The following ANK3 variants were observed in gnomAD, a reference collection of about 807,000 sequenced individuals.
ANK3 encodes the protein ankyrin 3.
In ANK3, 57 loss-of-function variants were observed where a neutral mutation model predicts 370.9. The ratio of observed to expected loss-of-function variants is 0.15; its 90% CI spans 0.12 to 0.19. ANK3 has a LOEUF of 0.19. ANK3 is among the 10% of genes least tolerant of loss of function. The pLI is 1.00. For missense variants in ANK3, 4,439 were observed against 5,302.1 expected (o/e 0.84, Z 5.06); for synonymous variants, 1,929 against 1,946.3 (o/e 0.99, Z 0.23).
chr10:60,353,984 G>T (rs1428326596), intron 1 of ANK3, among the ~76,000 whole-genome samples: 2 of 152,200 alleles, frequency 1.3e-5, no homozygotes, highest in Non-Finnish European at 1.5e-5. Flanking sequence ...CCATATCCAC[G>T]TGCAGTCCAT....
At chr10:60,326,428 C>G (rs376747847) in intron 1 of ANK3, among the ~76,000 whole-genome samples, 2 of 152,092 alleles carry the variant, frequency 1.3e-5, no homozygotes, top group East Asian at 3.8e-4. Flanking sequence ...AGTGAGAGCC[C>G]GTACCTTACT....
intron 18 of ANK3, among the ~76,000 whole-genome samples, chr10:60,180,468 T>A (rs1169090611): frequency 6.7e-6 from 1 of 150,044 alleles, no homozygotes; most frequent in African/African-American, 2.5e-5. Flanking sequence ...TGGTGGCACA[T>A]GCCTGTAGTC....
intron 1 of ANK3, among the ~76,000 whole-genome samples, chr10:60,683,037 C>G (rs1382279419): frequency 6.6e-6 from 1 of 152,064 alleles, no homozygotes; most frequent in Non-Finnish European, 1.5e-5. Context: ...CTGACACCAT[C>G]TCCAGGTAGA....
intron 5 of ANK3, among the ~76,000 whole-genome samples, chr10:60,267,901 T>C (rs2097905343): frequency 1.3e-5 from 2 of 152,230 alleles, no homozygotes; most frequent in Non-Finnish European, 2.9e-5. Context: ...CCTGTCTCTA[T>C]TTCCCCTGTC....
At chr10:60,174,787 G>A (rs927544984) in intron 18 of ANK3, among the ~76,000 whole-genome samples, 6 of 151,922 alleles carry the variant, frequency 3.9e-5, no homozygotes, top group Non-Finnish European at 8.8e-5. Context: ...ACCAGGCTGG[G>A]GTGCAGTGAT....
intron 12 of ANK3, among the ~76,000 whole-genome samples, chr10:60,201,428 G>A (rs1377445339): frequency 6.6e-6 from 1 of 152,104 alleles, no homozygotes; most frequent in East Asian, 1.9e-4. Flanking sequence ...ATGCTCATGA[G>A]TCCAATGAGT....
intron 2 of ANK3, among the ~76,000 whole-genome samples, chr10:60,558,215 T>A (rs571621479): frequency 7.8e-4 from 119 of 152,336 alleles, no homozygotes; most frequent in African/African-American, 2.7e-3. Flanking sequence ...TTCAACCGCA[T>A]TTCTGATATT....
At chr10:60,548,733 T>C (rs888629683) in intron 2 of ANK3, among the ~76,000 whole-genome samples, 91 of 152,304 alleles carry the variant, frequency 6.0e-4, no homozygotes, top group African/African-American at 2.1e-3. Flanking sequence ...AGGATTATTA[T>C]AATTTACATT....
At chr10:60,136,625 T>C (rs2094357213) in intron 24 of ANK3, among the ~76,000 whole-genome samples, 1 of 152,206 alleles carries the variant, frequency 6.6e-6, no homozygotes, top group Non-Finnish European at 1.5e-5. Flanking sequence ...ATCTCCTCCT[T>C]CTTTTAATTT....
At chr10:60,508,151 G>A (rs1319230059) in intron 2 of ANK3, 1 of 152,130 alleles carries the variant, frequency 6.6e-6, no homozygotes, top group African/African-American at 2.4e-5. Flanking sequence ...ACCACTTCAT[G>A]ACAATTACAT....
chr10:60,601,927 A>T (rs2078069874), intron 2 of ANK3, among the ~76,000 whole-genome samples: 1 of 152,202 alleles, frequency 6.6e-6, no homozygotes, highest in African/African-American at 2.4e-5. Flanking sequence ...AAATATATTT[A>T]TTGATATGCT....
At chr10:60,516,569 G>A (rs2076224626) in intron 2 of ANK3, among the ~76,000 whole-genome samples, 1 of 152,024 alleles carries the variant, frequency 6.6e-6, no homozygotes, top group Non-Finnish European at 1.5e-5. Flanking sequence ...TGAGGCTGCT[G>A]TTTTGCCAAA....
intron 2 of ANK3, among the ~76,000 whole-genome samples, chr10:60,546,565 T>C (rs2076969352): frequency 6.6e-6 from 1 of 152,192 alleles, no homozygotes; most frequent in South Asian, 2.1e-4. Flanking sequence ...GTATATTCTG[T>C]ACTGATTTTA....
intron 2 of ANK3, among the ~76,000 whole-genome samples, chr10:60,397,213 A>C (rs1228674976): frequency 6.6e-6 from 1 of 151,916 alleles, no homozygotes; most frequent in African/African-American, 2.4e-5. Context: ...AAAAAAAAAA[A>C]AAACTAAACA....
At chr10:60,178,402 T>C (rs1359875086) in intron 18 of ANK3, among the ~76,000 whole-genome samples, 3 of 152,192 alleles carry the variant, frequency 2.0e-5, no homozygotes, top group African/African-American at 7.2e-5. Context: ...AGTTTCCTCA[T>C]CTGTAAGACG....
At chr10:60,174,680 C>A (rs1000820176) in intron 18 of ANK3, among the ~76,000 whole-genome samples, 1 of 152,004 alleles carries the variant, frequency 6.6e-6, no homozygotes, top group Non-Finnish European at 1.5e-5. Flanking sequence ...ATAATACAAC[C>A]ATTTCTAATA....
intron 5 of ANK3, among the ~76,000 whole-genome samples, chr10:60,269,624 G>A (rs1329813206): frequency 6.6e-6 from 1 of 151,180 alleles, no homozygotes; most frequent in Non-Finnish European, 1.5e-5. Context: ...CAGCCTAGGT[G>A]ACAGAGTGAG....
intron 1 of ANK3, among the ~76,000 whole-genome samples, chr10:60,288,470 C>T (rs183162985): frequency 8.5e-5 from 13 of 152,250 alleles, no homozygotes; most frequent in Admixed American, 8.5e-4. Flanking sequence ...TCGGGAAGGG[C>T]CATTTCTGCA....
intron 2 of ANK3, among the ~76,000 whole-genome samples, chr10:60,488,504 T>A (rs1426967432): frequency 6.6e-6 from 1 of 152,166 alleles, no homozygotes; most frequent in African/African-American, 2.4e-5. Context: ...CCATCATAAT[T>A]AATTTTAGAA....
Sources: gnomAD v4.1 joint callset for allele counts (sites outside exome capture counted in the v4.1 genomes callset) on GRCh38, gnomAD v4.1.1 for gene constraint, MANE v1.5 for transcripts, NCBI Gene and HGNC (gene_info 2026-07-23, HGNC 2026-07-21) for gene names.